The following KCNAB1 variants were observed in gnomAD, a reference collection of about 807,000 sequenced individuals.
KCNAB1 encodes the protein voltage-gated potassium channel subunit beta-1.
KCNAB1 carries 35 observed loss-of-function variants against 64.6 expected under a neutral mutation model. The observed-to-expected ratio is 0.54, with a 90% CI of 0.41 to 0.72. The LOEUF is 0.72. Ranked by LOEUF, KCNAB1 falls within the 30% of genes least tolerant of loss-of-function variation. The pLI is 0.00. For synonymous variants in KCNAB1, 177 were observed against 183.8 expected, an observed-to-expected ratio of 0.96 and a Z score of 0.30; for missense variants, 401 against 512.9, an observed-to-expected ratio of 0.78 and a Z score of 2.11.
At chr3:156,344,433 T>TA (rs1724342978) in intron 1 of KCNAB1, among the ~76,000 whole-genome samples, 1 of 152,212 alleles carries the variant, frequency 6.6e-6, no homozygotes, top group Admixed American at 6.5e-5. Flanking sequence ...AGATGCTGCG[T>TA]ACCTCCCTCT....
rs191911401 is a variant in KCNAB1 at position 156,311,727 on chromosome 3, G to C, written c.276-109889G>C. On this transcript the variant is annotated intron_variant, in intron 1 of 13. Coordinates refer to ENST00000490337, the MANE Select transcript of KCNAB1 (RefSeq NM_172160.3). ...GAAGATGGCTGGTGTGTGAGAGAGA[G>C]AAGAAGCAAAGGTGCTCCTTAGGAA... Among the ~76,000 whole-genome samples, 72 of 152,320 alleles carry C rather than the reference G, an allele frequency of 4.7e-4. 2 individuals are homozygous for C. Among genetic ancestry groups the C allele is most frequent in the Admixed American group, 4.3e-3 (66 of 15,304 alleles).
chr3:156,335,897 T>G (rs1006241068), intron 1 of KCNAB1, among the ~76,000 whole-genome samples: 10 of 149,876 alleles, frequency 6.7e-5, no homozygotes, highest in Non-Finnish European at 1.3e-4. Context: ...AAATAATAGC[T>G]TGAGGTCCTT....
chr3:156,148,085 C>T (rs1346623062), intron 1 of KCNAB1, among the ~76,000 whole-genome samples: 1 of 152,102 alleles, frequency 6.6e-6, no homozygotes. Flanking sequence ...CTTGCTTAGT[C>T]CTGCTGCTTT....
chr3:156,121,307 G>A (rs950059577), intron 1 of KCNAB1, among the ~76,000 whole-genome samples: 2 of 152,190 alleles, frequency 1.3e-5, no homozygotes, highest in African/African-American at 2.4e-5. Flanking sequence ...GTTGAAAAGT[G>A]GAGTTGAGTA....
intron 1 of KCNAB1, among the ~76,000 whole-genome samples, chr3:156,394,389 G>C (rs1244412659): frequency 2.6e-5 from 4 of 152,194 alleles, no homozygotes; most frequent in African/African-American, 7.2e-5. Context: ...AGTGGTGGGG[G>C]AAGTTGGGCT....
intron 1 of KCNAB1, among the ~76,000 whole-genome samples, chr3:156,231,999 A>G (rs563661418): frequency 6.6e-6 from 1 of 152,274 alleles, no homozygotes; most frequent in South Asian, 2.1e-4. Context: ...ATCTCTTCTC[A>G]TATTTTACAG....
At chr3:156,489,454 T>C (rs1186361374) in intron 8 of KCNAB1, among the ~76,000 whole-genome samples, 1 of 152,124 alleles carries the variant, frequency 6.6e-6, no homozygotes, top group Non-Finnish European at 1.5e-5. Context: ...AGATGAAGAC[T>C]GAACATTGTC....
At chr3:156,501,488 A>G (rs1172231000) in intron 8 of KCNAB1, among the ~76,000 whole-genome samples, 1 of 136,544 alleles carries the variant, frequency 7.3e-6, no homozygotes, top group African/African-American at 2.8e-5. Context: ...GGAAATCGCA[A>G]TGATGTGGTC....
chr3:156,475,630 T>C (rs1362658822), intron 8 of KCNAB1, among the ~76,000 whole-genome samples: 1 of 152,214 alleles, frequency 6.6e-6, no homozygotes, highest in Non-Finnish European at 1.5e-5. Context: ...TGATGTGGAT[T>C]ACCACTTTTA....
At chr3:156,133,825 T>G (rs1714137370) in intron 1 of KCNAB1, among the ~76,000 whole-genome samples, 1 of 152,012 alleles carries the variant, frequency 6.6e-6, no homozygotes. Context: ...TTTGTGGGAA[T>G]GCGAACCAAT....
intron 1 of KCNAB1, chr3:156,215,714 C>T (rs1246282671): frequency 2.0e-5 from 3 of 152,242 alleles, no homozygotes; most frequent in East Asian, 3.8e-4. Flanking sequence ...GGAACATCCA[C>T]CACTGCAGTG....
chr3:156,327,962 A>G (rs953041690), intron 1 of KCNAB1, among the ~76,000 whole-genome samples: 1 of 151,968 alleles, frequency 6.6e-6, no homozygotes, highest in African/African-American at 2.4e-5. Context: ...TGTGACTTCC[A>G]TCTGGGATCT....
At chr3:156,434,676 A>G (rs1271781355) in intron 2 of KCNAB1, among the ~76,000 whole-genome samples, 2 of 149,248 alleles carry the variant, frequency 1.3e-5, no homozygotes, top group Non-Finnish European at 3.0e-5. Context: ...AAACAGACAA[A>G]TCAAAGAAGA....
intron 1 of KCNAB1, among the ~76,000 whole-genome samples, chr3:156,308,669 A>G (rs906765610): frequency 6.6e-6 from 1 of 152,204 alleles, no homozygotes; most frequent in Non-Finnish European, 1.5e-5. Context: ...ATGCTGGCCA[A>G]GCTTTTCATC....
At chr3:156,324,732 C>T (rs1232596515) in intron 1 of KCNAB1, among the ~76,000 whole-genome samples, 1 of 152,072 alleles carries the variant, frequency 6.6e-6, no homozygotes, top group Non-Finnish European at 1.5e-5. Context: ...ATCACAATAT[C>T]ACTCATTCAC....
chr3:156,490,291 G>A (rs556958625), intron 8 of KCNAB1, among the ~76,000 whole-genome samples: 1 of 152,198 alleles, frequency 6.6e-6, no homozygotes, highest in African/African-American at 2.4e-5. Flanking sequence ...GAAAATTACA[G>A]CATGAATGGC....
chr3:156,417,592 G>A (rs1022715915), intron 1 of KCNAB1, among the ~76,000 whole-genome samples: 5 of 152,082 alleles, frequency 3.3e-5, no homozygotes, highest in Non-Finnish European at 7.4e-5. Context: ...CAACAAATTT[G>A]GGTTACGAAT....
intron 4 of KCNAB1, 21 bp from the exon 5 acceptor site, chr3:156,459,806 A>T: frequency 6.3e-7 from 1 of 1,590,696 alleles, no homozygotes; most frequent in Non-Finnish European, 8.6e-7. Context: ...ATTCTAAGAC[A>T]TTATCTGTTT....
chr3:156,405,908 A>G (rs116148635), intron 1 of KCNAB1, among the ~76,000 whole-genome samples: 2,027 of 152,286 alleles, frequency 0.013, 20 homozygotes, highest in South Asian at 0.034. Flanking sequence ...TTTCTTTTAG[A>G]TTGATTATTA....
Sources: allele counts gnomAD v4.1 joint callset (sites outside exome capture counted in the v4.1 genomes callset), GRCh38; gene constraint gnomAD v4.1.1; transcripts MANE v1.5; gene names NCBI Gene and HGNC (gene_info 2026-07-23, HGNC 2026-07-21).